Variants in KANSL2 observed in about 807,000 individuals in gnomAD.
KANSL2 encodes the protein KAT8 regulatory NSL complex subunit 2.
A neutral mutation model predicts 55.6 loss-of-function variants in KANSL2; 34 were observed. That is an observed-to-expected ratio of 0.61 (90% CI 0.46 to 0.81). The LOEUF (loss-of-function observed/expected upper bound fraction) is 0.81. Among genes scored for constraint, KANSL2 ranks in the 40% least tolerant of loss-of-function variants. The pLI is 0.00. For missense variants in KANSL2, 502 were observed against 609.9 expected (o/e 0.82, Z 1.86); for synonymous variants, 209 against 214.3 (o/e 0.98, Z 0.22).
At chr12:48,665,036 ATTTTTCTTTCTTC>A (rs140975002) in intron 7 of KANSL2, among the ~76,000 whole-genome samples, 2,887 of 151,204 alleles carry the variant, frequency 0.019, 95 homozygotes, top group African/African-American at 0.067. Context: ...TGACCAGATA[ATTTTTCTTTCTTC>A]TTTTTCTTTA....
In KANSL2 at chr12:48,671,959, A is replaced by G. The variant is rs2137195593; in HGVS notation, c.549T>C (p.His183=). 1 of 1,566,494 alleles carries G rather than the reference A, an allele frequency of 6.4e-7. No individual in the cohort carries two copies. The highest frequency in any genetic ancestry group is 8.7e-7 in the Non-Finnish European group (1 of 1,154,986). ...IDSDQEDPLK[H]AGVYTAEEVA... ...CTTCTTCTGCTGTGTAGACACCAGC[A>G]TGTCTGGAATAAAACAGAATTCAGC... Residue 183 remains histidine (H), a synonymous_variant, in exon 5 of 10, where the codon CAT becomes CAC. Coordinates refer to ENST00000420613, the MANE Select transcript of KANSL2 (RefSeq NM_017822.4).
At chr12:48,663,418 C>A (rs1160360639) in intron 7 of KANSL2, among the ~76,000 whole-genome samples, 1 of 152,056 alleles carries the variant, frequency 6.6e-6, no homozygotes, top group African/African-American at 2.4e-5. Flanking sequence ...AATATATGTA[C>A]AAATATCAAT....
rs564887206 is a variant in KANSL2 at position 48,657,897 on chromosome 12, G to A, written c.1227+2469C>T. 2.0e-5 allele frequency among the ~76,000 whole-genome samples: 3 copies of A among 152,194 alleles called. No homozygotes were observed. The South Asian group carries it at 6.2e-4, about 32-fold the overall frequency. On this transcript the variant is annotated intron_variant, in intron 8 of 9. Transcript: ENST00000420613. ...CTCCCAAAGTGCTGGGATTACAAGC[G>A]TCAGCCACCGCACCCGGCCCATGTG...
chr12:48,682,203 C>T lies in KANSL2; in HGVS notation c.-26G>A. ...CCATCTTACCTCAGGAGCTGCGCTG[C>T]GCCGCACTCTGCCGCGCCGCTCGCC... On this transcript the variant is annotated 5_prime_UTR_variant, in exon 1 of 10. Transcript: ENST00000420613. 1 of 665,678 alleles carries T rather than the reference C, an allele frequency of 1.5e-6. No homozygotes were observed. The highest frequency in any genetic ancestry group is 2.7e-6 in the Non-Finnish European group (1 of 365,904). 41.2% of individuals were successfully genotyped at this position (665,678 alleles called of 1,614,324 possible). A position where few individuals can be genotyped will look rare whatever the true frequency, so the allele number is the denominator to read the frequency against.
intron 8 of KANSL2, among the ~76,000 whole-genome samples, chr12:48,655,607 A>C (rs1384009342): frequency 6.6e-6 from 1 of 152,104 alleles, no homozygotes; most frequent in African/African-American, 2.4e-5. Context: ...ACAGAAACAC[A>C]AAGTAGAAAC....
At chr12:48,681,789 C>A (rs916641323) in intron 1 of KANSL2, 148 bp from the exon 2 acceptor site, 8 of 954,720 alleles carry the variant, frequency 8.4e-6, no homozygotes, top group East Asian at 2.6e-5. Context: ...CCCCAAGTCT[C>A]CACAGGCATC....
chr12:48,668,383 G>A (rs1306303445), intron 6 of KANSL2, among the ~76,000 whole-genome samples: 1 of 152,210 alleles, frequency 6.6e-6, no homozygotes, highest in Non-Finnish European at 1.5e-5. Flanking sequence ...ACACAGAGCT[G>A]GTCAGTGGGG....
intron 7 of KANSL2, chr12:48,661,320 ATTAACAAC>A: frequency 1.6e-5 from 7 of 445,386 alleles, no homozygotes; most frequent in Non-Finnish European, 2.1e-5. Context: ...CAAGGACTCT[ATTAACAAC>A]TTTTGTTAAA....
At chr12:48,677,327 T>C (rs1256209630) in intron 4 of KANSL2, among the ~76,000 whole-genome samples, 4 of 152,200 alleles carry the variant, frequency 2.6e-5, no homozygotes, top group Non-Finnish European at 5.9e-5. Context: ...TCAGCATCCA[T>C]GTGCCTCCTA....
At chr12:48,654,514 G>A (rs1403095748) in intron 9 of KANSL2, 1 of 628,676 alleles carries the variant, frequency 1.6e-6, no homozygotes, top group Non-Finnish European at 3.1e-6. Flanking sequence ...TTCAGTCAGG[G>A]CCACTGGAAT....
intron 1 of KANSL2, chr12:48,681,925 G>A (rs1397697169): frequency 3.4e-5 from 24 of 703,162 alleles, no homozygotes; most frequent in South Asian, 2.2e-4. Context: ...CCAGCCCCAC[G>A]CGGCGGCCAC....
chr12:48,660,333 G>C (rs930177956), intron 8 of KANSL2, 33 bp downstream of exon 8: 2 of 1,610,400 alleles, frequency 1.2e-6, no homozygotes, highest in South Asian at 1.1e-5. Context: ...TTGTCTCAAG[G>C]GCCTGAACCA....
intron 8 of KANSL2, among the ~76,000 whole-genome samples, chr12:48,659,735 T>C (rs1939454535): frequency 6.6e-6 from 1 of 152,182 alleles, no homozygotes; most frequent in Non-Finnish European, 1.5e-5. Context: ...AGCCAGAAAG[T>C]AGAAACAGCA....
chr12:48,663,977 G>C (rs1939539960), intron 7 of KANSL2, among the ~76,000 whole-genome samples: 1 of 145,168 alleles, frequency 6.9e-6, no homozygotes, highest in Admixed American at 7.1e-5. Context: ...GAGTGCAATG[G>C]CACGATATCG....
chr12:48,656,209 T>C (rs1330539904), intron 8 of KANSL2, among the ~76,000 whole-genome samples: 3 of 151,444 alleles, frequency 2.0e-5, no homozygotes, highest in Non-Finnish European at 4.4e-5. Context: ...TTCCTCTGAA[T>C]GGCTAGGAAA....
At chr12:48,667,477 T>C in intron 7 of KANSL2, 1 of 680,642 alleles carries the variant, frequency 1.5e-6, no homozygotes, top group East Asian at 3.0e-5. Context: ...TTCTAATGAA[T>C]TGACCATTAC....
intron 4 of KANSL2, 50 bp downstream of exon 4, chr12:48,678,986 T>C: frequency 7.7e-7 from 1 of 1,306,558 alleles, no homozygotes; most frequent in Non-Finnish European, 1.1e-6. Flanking sequence ...CAGCACTACA[T>C]TCCACATACT....
chr12:48,681,292 T>C (rs1486457983), intron 2 of KANSL2, 90 bp downstream of exon 2: 2 of 1,446,886 alleles, frequency 1.4e-6, no homozygotes, highest in Admixed American at 2.5e-5. Flanking sequence ...AAGGACAAAA[T>C]CTCAAACGCG....
intron 7 of KANSL2, chr12:48,662,797 T>C: frequency 5.0e-6 from 2 of 402,028 alleles, no homozygotes; most frequent in South Asian, 2.9e-5. Context: ...TAATAAGCTA[T>C]TTGACTACAG....
Sources: gnomAD v4.1 joint callset for allele counts (sites outside exome capture counted in the v4.1 genomes callset) on GRCh38, gnomAD v4.1.1 for gene constraint, MANE v1.5 for transcripts, NCBI Gene and HGNC (gene_info 2026-07-23, HGNC 2026-07-21) for gene names.